The following PCNX2 variants were observed in gnomAD, a reference collection of about 807,000 sequenced individuals.
PCNX2 encodes the protein pecanex 2.
In PCNX2, 168 loss-of-function variants were observed where a neutral mutation model predicts 223.8. The observed-to-expected ratio is 0.75, with a 90% confidence interval of 0.66 to 0.85. The LOEUF is 0.85. Among genes scored for constraint, PCNX2 ranks in the 40% least tolerant of loss-of-function variants. PCNX2 has a pLI of 0.00. For synonymous variants in PCNX2, 1,006 were observed against 1,052.6 expected, an observed-to-expected ratio of 0.96 and a Z score of 0.86; for missense variants, 2,507 against 2,675.5, an observed-to-expected ratio of 0.94 and a Z score of 1.39.
intron 20 of PCNX2, among the ~76,000 whole-genome samples, chr1:233,136,862 C>A (rs1558269413): frequency 6.6e-6 from 1 of 152,120 alleles, no homozygotes; most frequent in African/African-American, 2.4e-5. Flanking sequence ...TCAGGGGAGA[C>A]TGCTGATTTT....
At position 233,236,850 on chromosome 1, in the gene PCNX2, G is replaced by T. The variant is rs368057112; in HGVS notation, c.2353C>A (p.Pro785Thr). ...MVARRTQSET[P>T]RHVSQDLEAS... ...CAATTCTGGAATGTACGTACCCGTG[G>T]GGTTTCCGACTGGGTCCTGCGAGCC... Residue 785 changes from proline (P) to threonine (T), a missense_variant, in exon 9 of 34, where the codon CCA (proline) becomes ACA (threonine). Pro to Thr is a conservative substitution (Grantham distance 38, BLOSUM62 -1). This residue lies in a region of PCNX2 where 1,031 missense variants were observed against 1,021.7 expected (regional missense o/e 1.01). Transcript: ENST00000258229. The T allele has an allele frequency of 3.5e-5, 56 of 1,613,686 alleles. No homozygotes were observed. In the African/African-American group the frequency reaches 6.8e-4, roughly 20 times the overall value.
chr1:233,129,645 A>C (rs1676337065), intron 21 of PCNX2, among the ~76,000 whole-genome samples: 1 of 152,218 alleles, frequency 6.6e-6, no homozygotes, highest in Non-Finnish European at 1.5e-5. Context: ...CACACCAATC[A>C]GCACCCTGTG....
At chr1:233,091,721 A>G (rs1673880432) in intron 22 of PCNX2, among the ~76,000 whole-genome samples, 1 of 129,748 alleles carries the variant, frequency 7.7e-6, no homozygotes. Context: ...CAACAGAGTG[A>G]GACCCTCCCT....
At chr1:233,094,539 T>A (rs368038173) in intron 22 of PCNX2, among the ~76,000 whole-genome samples, 1 of 152,218 alleles carries the variant, frequency 6.6e-6, no homozygotes, top group African/African-American at 2.4e-5. Context: ...TATTGTGAGA[T>A]CCACTCTTCG....
In PCNX2 at chr1:233,088,678, C is replaced by T. The variant is rs369503380; in HGVS notation, c.4076+1383G>A. Among the ~76,000 whole-genome samples, 31 of 152,252 alleles carry T rather than the reference C, an allele frequency of 2.0e-4. 1 individual carries two copies. In the South Asian group the frequency reaches 3.5e-3, roughly 17 times the overall value. On this transcript the variant is annotated intron_variant, in intron 23 of 33. Coordinates refer to ENST00000258229, the MANE Select transcript of PCNX2 (RefSeq NM_014801.4). ...GACCTCCTTCAACTCCTCACGGGCCCGAAGTAGGGCTCACTGATTTGGTTA... is the reference window on the plus strand; with the variant it reads ...GACCTCCTTCAACTCCTCACGGGCCTGAAGTAGGGCTCACTGATTTGGTTA...
intron 19 of PCNX2, among the ~76,000 whole-genome samples, chr1:233,148,884 A>C (rs1677628752): frequency 6.6e-6 from 1 of 152,382 alleles, no homozygotes; most frequent in East Asian, 1.9e-4. Flanking sequence ...ATGTAAGAAG[A>C]AGCTAAAACA....
intron 13 of PCNX2, 117 bp from the exon 14 acceptor site, chr1:233,200,381 A>ATATTTT: frequency 2.3e-6 from 1 of 429,188 alleles, no homozygotes; most frequent in Non-Finnish European, 3.8e-6. Flanking sequence ...ACTGGAGGCA[A>ATATTTT]TCTTTTTTTT....
At chr1:233,014,435 C>G (rs1670577388) in intron 28 of PCNX2, among the ~76,000 whole-genome samples, 2 of 152,104 alleles carry the variant, frequency 1.3e-5, no homozygotes, top group African/African-American at 4.8e-5. Flanking sequence ...TCCAGAATCC[C>G]TGGGTCTTGA....
In PCNX2 at chr1:233,167,587, G is replaced by A. The variant is rs1678876281; in HGVS notation, c.3274-6224C>T. On this transcript the variant is annotated intron_variant, in intron 17 of 33. Transcript: ENST00000258229. Reference sequence around the variant, plus strand: ...TTGCCACAAAAACAAATAAAAATGGGTAACTATGCGAGATGATGGATATGT... The same window carrying A: ...TTGCCACAAAAACAAATAAAAATGGATAACTATGCGAGATGATGGATATGT... 9 of 378,086 alleles carry A rather than the reference G, an allele frequency of 2.4e-5. No homozygotes were observed. In the South Asian group the frequency reaches 9.8e-4, roughly 41 times the overall value. 23.4% of individuals were successfully genotyped at this position (378,086 alleles called of 1,614,324 possible).
chr1:233,311,030 C>A, the PCNX2 span, among the ~76,000 whole-genome samples: 1 of 152,208 alleles, frequency 6.6e-6, no homozygotes, highest in Non-Finnish European at 1.5e-5. Flanking sequence ...CATATCCAAA[C>A]CATAGCAGGA....
chr1:233,185,905 AT>A (rs1158083161), intron 15 of PCNX2, among the ~76,000 whole-genome samples: 1 of 152,164 alleles, frequency 6.6e-6, no homozygotes, highest in African/African-American at 2.4e-5. Flanking sequence ...AGGTTTTGAA[AT>A]ATTTTTATGA....
At chr1:232,999,942 T>C (rs76821837) in intron 30 of PCNX2, among the ~76,000 whole-genome samples, 5,260 of 152,290 alleles carry the variant, frequency 0.035, 291 homozygotes, top group African/African-American at 0.12. Flanking sequence ...GAATAAGGCC[T>C]TCGGATCCAG....
At chr1:233,282,202 TCTCCCGACGC>T (rs1260618455) in intron 1 of PCNX2, among the ~76,000 whole-genome samples, 1 of 152,144 alleles carries the variant, frequency 6.6e-6, no homozygotes, top group Admixed American at 6.5e-5. Context: ...TCTTCCCTTG[TCTCCCGACGC>T]CTCCTCTTTG....
At chr1:233,136,778 C>A (rs897048224) in intron 20 of PCNX2, among the ~76,000 whole-genome samples, 1 of 151,690 alleles carries the variant, frequency 6.6e-6, no homozygotes, top group African/African-American at 2.4e-5. Flanking sequence ...ACCTAAAAAC[C>A]CCTGTGGAAA....
intron 21 of PCNX2, among the ~76,000 whole-genome samples, chr1:233,132,682 T>C (rs1487705322): frequency 6.6e-6 from 1 of 152,182 alleles, no homozygotes; most frequent in East Asian, 1.9e-4. Flanking sequence ...CTTTTTCTAC[T>C]TACATACAGC....
In PCNX2 at chr1:233,200,104, A is replaced by G. The variant is rs1293696153; in HGVS notation, c.2974+50T>C. 4.9e-6 allele frequency: 7 copies of G among 1,416,230 alleles called. No individual in the cohort carries two copies. In the Admixed American group the frequency reaches 1.5e-4, roughly 30 times the overall value. 87.7% of individuals were successfully genotyped at this position (1,416,230 alleles called of 1,614,324 possible). A position where few individuals can be genotyped will look rare whatever the true frequency, so the allele number is the denominator to read the frequency against. The stretch of plus-strand genomic sequence containing the variant: ...TCCTGCCTAAGGCTATTTAGTCCTT[A>G]TCTGAACTCTGAATTCCTTTACAGG... On this transcript the variant is annotated intron_variant, in intron 14 of 33. Coordinates refer to ENST00000258229, the MANE Select transcript of PCNX2 (RefSeq NM_014801.4).
At position 233,258,785 on chromosome 1, in the gene PCNX2, G is replaced by C; in HGVS notation, c.1077C>G (p.Ile359Met). The C allele has an allele frequency of 6.2e-7, 1 of 1,613,778 alleles. No homozygotes were observed. Among genetic ancestry groups the C allele is most frequent in the Non-Finnish European group, 8.5e-7 (1 of 1,179,804 alleles). ...GTGGGTCTCCGGGTTGAGAAGTATC[G>C]ATGAGAGTAACAGCTACCTCACTAT... Reference protein sequence around the residue: ...SSDSEVAVTLIDTSQPGDPLS... With the variant: ...SSDSEVAVTLMDTSQPGDPLS... Residue 359 changes from isoleucine to methionine, a missense_variant, in exon 5 of 34, where the codon ATC becomes ATG. Physicochemically the swap from Ile to Met is conservative, Grantham distance 10 (BLOSUM62 1). Transcript: ENST00000258229.
intron 23 of PCNX2, chr1:233,065,330 G>T (rs1672555773): frequency 1.3e-5 from 2 of 152,084 alleles, no homozygotes; most frequent in South Asian, 4.1e-4. Flanking sequence ...TCTATTTGAG[G>T]CCTGCAATGA....
intron 9 of PCNX2, among the ~76,000 whole-genome samples, chr1:233,230,271 G>A (rs914551684): frequency 1.1e-4 from 16 of 152,154 alleles, no homozygotes; most frequent in Non-Finnish European, 2.1e-4. Context: ...AGAAGGCATG[G>A]AGTAAAGGGG....
Sources: gnomAD v4.1 joint callset for allele counts (sites outside exome capture counted in the v4.1 genomes callset) on GRCh38, gnomAD v4.1.1 for gene constraint, gnomAD v4.1.1 regional missense constraint, MANE v1.5 for transcripts, NCBI Gene and HGNC (gene_info 2026-07-23, HGNC 2026-07-21) for gene names.